The following EVX2 variants were observed in gnomAD, a reference collection of about 807,000 sequenced individuals.
EVX2 encodes homeobox even-skipped homolog protein 2.
EVX2 carries 10 observed loss-of-function variants against 19.2 expected under a neutral mutation model. The observed-to-expected ratio is 0.52, with a 90% CI of 0.32 to 0.89. EVX2 has a LOEUF of 0.89. EVX2 is among the 40% of genes least tolerant of loss of function. The pLI is 0.03. For synonymous variants in EVX2, 354 were observed against 328.4 expected (o/e 1.08, Z -0.84); for missense variants, 710 against 694.9 (o/e 1.02, Z -0.24).
At position 176,080,278 on chromosome 2, in the gene EVX2, AC is replaced by A; in HGVS notation, c.1259del (p.Gly420ValfsTer44). On this transcript the variant is annotated frameshift_variant, in exon 3 of 3. Coordinates refer to ENST00000308618, the MANE Select transcript of EVX2 (RefSeq NM_001080458.2). LOFTEE classifies it high-confidence loss of function. This position sits in a 1 kb window ranked among gnomAD's most constrained non-coding sequence, Gnocchi z 7.0. ...GSRGGGGGGG[G>X]GGGGGGGGAG... is the part of the protein sequence containing the mutation. Reference sequence around the variant, plus strand: ...CGCCCCCGCCGCCGCCGCCACCACCACCACCGCCGCCGCCACCGCCACCCCG... The same window carrying A: ...CGCCCCCGCCGCCGCCGCCACCACCACACCGCCGCCGCCACCGCCACCCCG... The A allele has an allele frequency of 7.8e-7, 1 of 1,278,804 alleles. No homozygotes were observed. Among genetic ancestry groups the A allele is most frequent in the Non-Finnish European group, 9.9e-7 (1 of 1,007,718 alleles). The allele number at this position is 1,278,804 out of a possible 1,614,324, so 79.2% of individuals were successfully genotyped here.
In EVX2 at chr2:176,080,724, C is replaced by G; in HGVS notation, c.814G>C (p.Gly272Arg). Residue 272 changes from glycine (G) to arginine (R), a missense_variant, in exon 3 of 3, where the codon GGA (glycine) becomes CGA (arginine). Physicochemically the swap from Gly to Arg is moderately radical, Grantham distance 125 (BLOSUM62 -2). Coordinates refer to ENST00000308618, the MANE Select transcript of EVX2 (RefSeq NM_001080458.2). This position sits in a 1 kb window ranked among gnomAD's most constrained non-coding sequence, Gnocchi z 7.0. ...GAGTGGAAGGGGTAGGGCAGGCTTC[C>G]GGTGGCGGCCGCGTGCGTCATCATG... ...TYMMTHAAATGSLPYPFHSHV... is the reference protein window; with the variant it reads ...TYMMTHAAATRSLPYPFHSHV... 2 of 1,607,496 alleles carry G rather than the reference C, an allele frequency of 1.2e-6. No homozygotes were observed. The highest frequency in any genetic ancestry group is 8.5e-7 in the Non-Finnish European group (1 of 1,179,574).
At position 176,083,223 on chromosome 2, in the gene EVX2, G is replaced by A. The variant is rs1404806449; in HGVS notation, c.427+127C>T. ...CCAGACATGCGTCCCGCCCCCGCCC[G>A]TGCTAGCTCGGTGTAGCTTGCCTGT... On this transcript the variant is annotated intron_variant, in intron 1 of 2. Transcript: ENST00000308618. The surrounding 1 kb of genome is among the most constrained non-coding windows in gnomAD (Gnocchi z 4.4). 1.0e-5 allele frequency: 10 copies of A among 992,396 alleles called. No homozygotes were observed. The highest frequency in any genetic ancestry group is 2.6e-5 in the East Asian group (1 of 38,220). 61.5% of individuals were successfully genotyped at this position (992,396 alleles called of 1,614,324 possible).
At position 176,078,451 on chromosome 2, in the gene EVX2, A is replaced by AGC. The variant is rs1410437669; in HGVS notation, c.*1654_*1655dup. The AGC allele has an allele frequency of 6.6e-6, 1 of 152,208 alleles. No homozygotes were observed. Among genetic ancestry groups the AGC allele is most frequent in the African/African-American group, 2.4e-5 (1 of 41,454 alleles). The allele number at this position is 152,208 out of a possible 1,614,324, so 9.4% of individuals were successfully genotyped here. On this transcript the variant is annotated 3_prime_UTR_variant, in exon 3 of 3. Coordinates refer to ENST00000308618, the MANE Select transcript of EVX2 (RefSeq NM_001080458.2). Reference sequence around the variant, plus strand: ...CTTCAGAAAATCTCATTATGTGAGGAGCCAAGTGGCTCTGCGGGGAGCATT... The same window carrying AGC: ...CTTCAGAAAATCTCATTATGTGAGGAGCGCCAAGTGGCTCTGCGGGGAGCATT...
In EVX2 at chr2:176,081,974, G is replaced by T. The variant is rs1392569117; in HGVS notation, c.699+204C>A. ...TTCAGCATTGGAGTCACCATTCGGG[G>T]GCCTTCTTAGATCCGTCAGGCCGGA... On this transcript the variant is annotated intron_variant, in intron 2 of 2. Coordinates refer to ENST00000308618, the MANE Select transcript of EVX2 (RefSeq NM_001080458.2). This position sits in a 1 kb window ranked among gnomAD's most constrained non-coding sequence, Gnocchi z 5.9. Among the ~76,000 whole-genome samples the T allele has an allele frequency of 6.6e-6, 1 of 152,194 alleles. No individual in the cohort carries two copies. The highest frequency in any genetic ancestry group is 2.4e-5 in the African/African-American group (1 of 41,438).
rs1689135743 is a variant in EVX2 at position 176,080,709 on chromosome 2, G to T, written c.829C>A (p.Pro277Thr). The change falls in exon 3 of 3, where the codon CCC (proline) becomes ACC (threonine). Residue 277 changes from proline to threonine, a missense_variant. Coordinates refer to ENST00000308618, the MANE Select transcript of EVX2 (RefSeq NM_001080458.2). The surrounding 1 kb of genome is among the most constrained non-coding windows in gnomAD (Gnocchi z 7.0). The part of the protein sequence containing the change: ...HAAATGSLPY[P>T]FHSHVPLHYY... ...TGCAGCGGCACGTGCGAGTGGAAGG[G>T]GTAGGGCAGGCTTCCGGTGGCGGCC... The T allele has an allele frequency of 2.1e-5, 33 of 1,605,934 alleles. No individual in the cohort carries two copies. Among genetic ancestry groups the T allele is most frequent in the Non-Finnish European group, 2.6e-5 (31 of 1,179,432 alleles).
chr2:176,079,119 T>C lies in EVX2; in HGVS notation c.*988A>G, dbSNP rs1325373801. The C allele has an allele frequency of 6.6e-6, 1 of 152,244 alleles. No individual in the cohort carries two copies. The highest frequency in any genetic ancestry group is 1.5e-5 in the Non-Finnish European group (1 of 68,110). 9.4% of individuals were successfully genotyped at this position (152,244 alleles called of 1,614,324 possible). ...AGGAAATGCTTTAGGATAATATTAA[T>C]ATATCTAGAGATTCAAGTATTTCCC... On this transcript the variant is annotated 3_prime_UTR_variant, in exon 3 of 3. Transcript: ENST00000308618. The surrounding 1 kb of genome is among the most constrained non-coding windows in gnomAD (Gnocchi z 4.4).
rs146575709 is a variant in EVX2 at position 176,082,304 on chromosome 2, G to A, written c.573C>T (p.Tyr191=). The change falls in exon 2 of 3, where the codon TAC becomes TAT. Residue 191 remains tyrosine (Y), a synonymous_variant. Coordinates refer to ENST00000308618, the MANE Select transcript of EVX2 (RefSeq NM_001080458.2). The surrounding 1 kb of genome is among the most constrained non-coding windows in gnomAD (Gnocchi z 5.2). ...TCTGCTCGCGGGTGAACGCCGTACG[G>A]TAGCGCCGCACTTGATCCGCGCCAG... ...SGSGADQVRR[Y]RTAFTREQIA... 2 of 1,599,396 alleles carry A rather than the reference G, an allele frequency of 1.3e-6. No homozygotes were observed. The highest frequency in any genetic ancestry group is 2.7e-5 in the African/African-American group (2 of 74,808).
rs1279921964 is a variant in EVX2 at position 176,083,664 on chromosome 2, T to C, written c.113A>G (p.Glu38Gly). The change falls in exon 1 of 3, where the codon GAG becomes GGG. Residue 38 changes from glutamate (E) to glycine (G), a missense_variant. Coordinates refer to ENST00000308618, the MANE Select transcript of EVX2 (RefSeq NM_001080458.2). The surrounding 1 kb of genome is among the most constrained non-coding windows in gnomAD (Gnocchi z 4.4). ...LSNSAGNAVL[E>G]ALENSQHPAR... ...CGGGTGCTGCGAATTTTCCAGGGCC[T>C]CGAGCACAGCATTGCCAGCCGAGTT... 6.2e-7 allele frequency: 1 copy of C among 1,614,144 alleles called. No individual in the cohort carries two copies. Among genetic ancestry groups the C allele is most frequent in the Non-Finnish European group, 8.5e-7 (1 of 1,180,032 alleles).
rs370948148 is a variant in EVX2 at position 176,082,034 on chromosome 2, A to G, written c.699+144T>C. On this transcript the variant is annotated intron_variant, in intron 2 of 2. Coordinates refer to ENST00000308618, the MANE Select transcript of EVX2 (RefSeq NM_001080458.2). This position sits in a 1 kb window ranked among gnomAD's most constrained non-coding sequence, Gnocchi z 5.2. Reference sequence around the variant, plus strand: ...GGATTCGGTGGCCGGGAAATAAATAAGCCAATTCCTTTGGTGACTACCCCC... The same window carrying G: ...GGATTCGGTGGCCGGGAAATAAATAGGCCAATTCCTTTGGTGACTACCCCC... The G allele has an allele frequency of 6.5e-5, 60 of 920,656 alleles. No homozygotes were observed. In the African/African-American group the frequency reaches 9.2e-4, roughly 14 times the overall value. 57.0% of individuals were successfully genotyped at this position (920,656 alleles called of 1,614,324 possible).
Position 176,083,794 on chromosome 2 carries a change from T to C in EVX2, c.-18A>G. On this transcript the variant is annotated 5_prime_UTR_variant, in exon 1 of 3. Transcript: ENST00000308618. The surrounding 1 kb of genome is among the most constrained non-coding windows in gnomAD (Gnocchi z 4.4). The stretch of plus-strand genomic sequence containing the variant: ...TCCATCATCTCAGCTTTCTTAAAAA[T>C]GTCACAGTGGCCCTGCTGTCCCGTC... The C allele has an allele frequency of 1.3e-6, 2 of 1,598,508 alleles. No homozygotes were observed. Among genetic ancestry groups the C allele is most frequent in the Non-Finnish European group, 1.7e-6 (2 of 1,171,494 alleles).
chr2:176,083,659 G>C lies in EVX2; in HGVS notation c.118C>G (p.Leu40Val). The change falls in exon 1 of 3, where the codon CTG becomes GTG. Residue 40 changes from leucine to valine, a missense_variant. Physicochemically the swap from Leu to Val is conservative, Grantham distance 32. Coordinates refer to ENST00000308618, the MANE Select transcript of EVX2 (RefSeq NM_001080458.2). This position sits in a 1 kb window ranked among gnomAD's most constrained non-coding sequence, Gnocchi z 4.4. ...NSAGNAVLEA[L>V]ENSQHPARLS... ...CGAGCCGGGTGCTGCGAATTTTCCA[G>C]GGCCTCGAGCACAGCATTGCCAGCC... is the stretch of plus-strand genomic sequence containing the variant. 6.2e-7 allele frequency: 1 copy of C among 1,614,170 alleles called. No homozygotes were observed. Among genetic ancestry groups the C allele is most frequent in the South Asian group, 1.1e-5 (1 of 91,092 alleles).
rs1487882867 is a variant in EVX2, at chr2:176,080,345, G to A, written c.1193C>T (p.Ala398Val). The A allele has an allele frequency of 3.2e-6, 4 of 1,260,394 alleles. No homozygotes were observed. The highest frequency in any genetic ancestry group is 5.8e-5 in the Admixed American group (2 of 34,540). 78.1% of individuals were successfully genotyped at this position (1,260,394 alleles called of 1,614,324 possible). Residue 398 changes from alanine to valine, a missense_variant, in exon 3 of 3, where the codon GCG becomes GTG. Transcript: ENST00000308618. The surrounding 1 kb of genome is among the most constrained non-coding windows in gnomAD (Gnocchi z 7.0). ...GGCAGCTGCTGCCGCGGCTGCCGCCGCCGACTGACTGCTGTGGCAACTGAG... is the reference window on the plus strand; with the variant it reads ...GGCAGCTGCTGCCGCGGCTGCCGCCACCGACTGACTGCTGTGGCAACTGAG... Reference protein sequence around the residue: ...SCLSCHSSQSAAAAAAAAAAA... With the variant: ...SCLSCHSSQSVAAAAAAAAAA...
At position 176,080,293 on chromosome 2, in the gene EVX2, A is replaced by G. The variant is rs1404275645; in HGVS notation, c.1245T>C (p.Gly415=). Residue 415 remains glycine (G), a synonymous_variant, in exon 3 of 3, where the codon GGT becomes GGC. Transcript: ENST00000308618. This position sits in a 1 kb window ranked among gnomAD's most constrained non-coding sequence, Gnocchi z 7.0. The stretch of plus-strand genomic sequence containing the variant: ...CGCCACCACCACCACCGCCGCCGCC[A>G]CCGCCACCCCGGGAACCCAGGGCTG... ...AAAALGSRGG[G]GGGGGGGGGG... The G allele has an allele frequency of 2.1e-5, 27 of 1,272,990 alleles. No individual in the cohort carries two copies. Among genetic ancestry groups the G allele is most frequent in the Non-Finnish European group, 2.7e-5 (27 of 1,002,612 alleles). The allele number at this position is 1,272,990 out of a possible 1,614,324, so 78.9% of individuals were successfully genotyped here. A position where few individuals can be genotyped will look rare whatever the true frequency, so the allele number is the denominator to read the frequency against.
At position 176,077,763 on chromosome 2, in the gene EVX2, T is replaced by C. The variant is rs1366470401; in HGVS notation, c.*2344A>G. 1 of 152,178 alleles carries C rather than the reference T, an allele frequency of 6.6e-6. No homozygotes were observed. The highest frequency in any genetic ancestry group is 6.5e-5 in the Admixed American group (1 of 15,284). 9.4% of individuals were successfully genotyped at this position (152,178 alleles called of 1,614,324 possible). Reference sequence around the variant, plus strand: ...GCCTAAAGTACCTTATATACATCTGTTAGCTGATCATAACAAAGGACTTTA... The same window carrying C: ...GCCTAAAGTACCTTATATACATCTGCTAGCTGATCATAACAAAGGACTTTA... On this transcript the variant is annotated 3_prime_UTR_variant, in exon 3 of 3. Coordinates refer to ENST00000308618, the MANE Select transcript of EVX2 (RefSeq NM_001080458.2).
At position 176,080,937 on chromosome 2, in the gene EVX2, G is replaced by A. The variant is rs1185817686; in HGVS notation, c.700-99C>T. The A allele has an allele frequency of 7.1e-7, 1 of 1,413,684 alleles. No individual in the cohort carries two copies. Among genetic ancestry groups the A allele is most frequent in the African/African-American group, 1.4e-5 (1 of 69,488 alleles). The allele number at this position is 1,413,684 out of a possible 1,614,324, so 87.6% of individuals were successfully genotyped here. ...CCCCTTCCGGACCTCTGAATGGCTT[G>A]GTCTACTTCTCTCCGACCAAGCCCA... On this transcript the variant is annotated intron_variant, in intron 2 of 2. Coordinates refer to ENST00000308618, the MANE Select transcript of EVX2 (RefSeq NM_001080458.2). This position sits in a 1 kb window ranked among gnomAD's most constrained non-coding sequence, Gnocchi z 7.0.
At position 176,082,181 on chromosome 2, in the gene EVX2, G is replaced by T; in HGVS notation, c.696C>A (p.Ile232=). 1 of 1,584,224 alleles carries T rather than the reference G, an allele frequency of 6.3e-7. No homozygotes were observed. Residue 232 remains isoleucine (I), a synonymous_variant, in exon 2 of 3, where the codon ATC becomes ATA. Coordinates refer to ENST00000308618, the MANE Select transcript of EVX2 (RefSeq NM_001080458.2). This position sits in a 1 kb window ranked among gnomAD's most constrained non-coding sequence, Gnocchi z 5.2. The part of the protein sequence containing the change: ...AAALNLPETT[I]KVWFQNRRMK... ...AGGCATGCACTGGAATTGATACCTT[G>T]ATGGTGGTTTCGGGCAGGTTGAGTG... is the stretch of plus-strand genomic sequence containing the variant.
Position 176,078,474 on chromosome 2 carries a change from A to C in EVX2, c.*1633T>G, listed in dbSNP as rs1689084869. On this transcript the variant is annotated 3_prime_UTR_variant, in exon 3 of 3. Transcript: ENST00000308618. The stretch of plus-strand genomic sequence containing the variant: ...GGAGCCAAGTGGCTCTGCGGGGAGC[A>C]TTATGGAAATATCTGGGCTTGATTT... 6.6e-6 allele frequency: 1 copy of C among 152,220 alleles called. No individual in the cohort carries two copies. The highest frequency in any genetic ancestry group is 2.4e-5 in the African/African-American group (1 of 41,456). 9.4% of individuals were successfully genotyped at this position (152,220 alleles called of 1,614,324 possible).
Position 176,082,547 on chromosome 2 carries a change from A to C in EVX2, c.428-98T>G, listed in dbSNP as rs968410086. The C allele has an allele frequency of 1.7e-5, 24 of 1,399,718 alleles. No homozygotes were observed. Among genetic ancestry groups the C allele is most frequent in the East Asian group, 2.5e-5 (1 of 39,812 alleles). 86.7% of individuals were successfully genotyped at this position (1,399,718 alleles called of 1,614,324 possible). Reference sequence around the variant, plus strand: ...TCGGGGAAGCCCCGTCAGGAAGGAGAGTCGCTGCCGGAATTGATGGGGTCT... The same window carrying C: ...TCGGGGAAGCCCCGTCAGGAAGGAGCGTCGCTGCCGGAATTGATGGGGTCT... On this transcript the variant is annotated intron_variant, in intron 1 of 2. Coordinates refer to ENST00000308618, the MANE Select transcript of EVX2 (RefSeq NM_001080458.2). The surrounding 1 kb of genome is among the most constrained non-coding windows in gnomAD (Gnocchi z 5.2).
chr2:176,082,956 G>A lies in EVX2; in HGVS notation c.427+394C>T, dbSNP rs531992023. 5.3e-5 allele frequency among the ~76,000 whole-genome samples: 8 copies of A among 152,370 alleles called. No homozygotes were observed. In the South Asian group the frequency reaches 1.7e-3, roughly 32 times the overall value. On this transcript the variant is annotated intron_variant, in intron 1 of 2. Transcript: ENST00000308618. The surrounding 1 kb of genome is among the most constrained non-coding windows in gnomAD (Gnocchi z 5.2). ...GAGGCTTCCTCCGACTTACCCAGAA[G>A]AATGCCCCCTCCAGCCCTGAGGGCA...
Sources: gnomAD v4.1 joint callset for allele counts (sites outside exome capture counted in the v4.1 genomes callset) on GRCh38, gnomAD v4.1.1 for gene constraint, Gnocchi (gnomAD v3.1) non-coding constraint, MANE v1.5 for transcripts, NCBI Gene and HGNC (gene_info 2026-07-23, HGNC 2026-07-21) for gene names.